Variants in PLCL2 observed in about 807,000 individuals in gnomAD.
The protein encoded by PLCL2 is inactive phospholipase C-like protein 2.
In PLCL2, 4 loss-of-function variants were observed where a neutral mutation model predicts 79.6. The ratio of observed to expected loss-of-function variants is 0.05; its 90% confidence interval spans 0.02 to 0.11. PLCL2 has a LOEUF of 0.11. Ranked by LOEUF, PLCL2 falls within the 10% of genes least tolerant of loss-of-function variation. The pLI is 1.00. For missense variants in PLCL2, 895 were observed against 1,291.0 expected (o/e 0.69, Z 4.70); for synonymous variants, 484 against 457.7 (o/e 1.06, Z -0.73).
rs150138452 is a variant in PLCL2, at chr3:16,903,664, G to A, written c.327+18298G>A. Among the ~76,000 whole-genome samples the A allele has an allele frequency of 2.0e-3, 311 of 152,330 alleles. 3 individuals carry two copies. Among genetic ancestry groups the A allele is most frequent in the Non-Finnish European group, 3.6e-3 (243 of 68,024 alleles). On this transcript the variant is annotated intron_variant, in intron 1 of 5. Transcript: ENST00000615277. Reference sequence around the variant, plus strand: ...GGGTGCTCAGATGTATGACAGGACAGAGCCCCAACGGTTCAGCAAAGTCAT... The same window carrying A: ...GGGTGCTCAGATGTATGACAGGACAAAGCCCCAACGGTTCAGCAAAGTCAT...
At chr3:16,892,384 G>T (rs919714146) in intron 1 of PLCL2, among the ~76,000 whole-genome samples, 1 of 152,224 alleles carries the variant, frequency 6.6e-6, no homozygotes, top group South Asian at 2.1e-4. Flanking sequence ...ATATTCTGCT[G>T]TCAAAGTTTA....
chr3:16,967,266 C>T (rs1304707846), intron 1 of PLCL2, among the ~76,000 whole-genome samples: 8 of 152,012 alleles, frequency 5.3e-5, no homozygotes, highest in Non-Finnish European at 1.5e-5. Context: ...AATTTGTATT[C>T]CTTTGGGTAT....
intron 4 of PLCL2, among the ~76,000 whole-genome samples, chr3:17,055,694 G>A (rs2064884984): frequency 6.6e-6 from 1 of 152,188 alleles, no homozygotes; most frequent in African/African-American, 2.4e-5. Flanking sequence ...CCATCTGGGA[G>A]TGAGACTCAG....
rs1380535837 is a variant in PLCL2 at position 17,011,430 on chromosome 3, G to A, written c.2084G>A (p.Cys695Tyr). Residue 695 changes from cysteine to tyrosine, a missense_variant, in exon 2 of 6, where the codon TGT becomes TAT. Coordinates refer to ENST00000615277, the MANE Select transcript of PLCL2 (RefSeq NM_001144382.2). The surrounding 1 kb of genome is among the most constrained non-coding windows in gnomAD (Gnocchi z 7.9). ...ATGAATCCTCAAGATTTTTGGAAAT[G>A]TGGTTGCCAAATTGTAGCCATGAAC... ...SNMNPQDFWK[C>Y]GCQIVAMNFQ... The A allele has an allele frequency of 1.9e-6, 3 of 1,614,074 alleles. No individual in the cohort carries two copies. The highest frequency in any genetic ancestry group is 2.2e-5 in the East Asian group (1 of 44,884).
Position 16,887,817 on chromosome 3 carries a change from A to G in PLCL2, c.327+2451A>G, listed in dbSNP as rs537548719. Among the ~76,000 whole-genome samples the G allele has an allele frequency of 1.3e-5, 2 of 152,168 alleles. No individual in the cohort carries two copies. The highest frequency in any genetic ancestry group is 2.9e-5 in the Non-Finnish European group (2 of 68,022). On this transcript the variant is annotated intron_variant, in intron 1 of 5. Transcript: ENST00000615277. The surrounding 1 kb of genome is among the most constrained non-coding windows in gnomAD (Gnocchi z 4.1). ...TTGTTTAAAAAAAAAAAGAATAAAA[A>G]GCTAAAGCAGAAGCCCATGTGAAAA...
At chr3:16,965,955 A>G (rs1054689581) in intron 1 of PLCL2, among the ~76,000 whole-genome samples, 13 of 152,246 alleles carry the variant, frequency 8.5e-5, no homozygotes, top group Non-Finnish European at 1.9e-4. Context: ...TACACATGTC[A>G]TCTGCAAACA....
chr3:17,088,245 C>A (rs1217563792), intron 5 of PLCL2, among the ~76,000 whole-genome samples: 3 of 152,124 alleles, frequency 2.0e-5, no homozygotes, highest in African/African-American at 7.2e-5. Flanking sequence ...AAGGTAAGTC[C>A]CTACCCATTG....
chr3:17,019,532 C>A (rs373650106), intron 3 of PLCL2, among the ~76,000 whole-genome samples: 49 of 151,938 alleles, frequency 3.2e-4, no homozygotes, highest in East Asian at 3.1e-3. Flanking sequence ...GATGAATGAT[C>A]AATGTAGCAA....
intron 1 of PLCL2, among the ~76,000 whole-genome samples, chr3:16,955,995 C>A (rs980825342): frequency 2.0e-4 from 30 of 152,278 alleles, no homozygotes; most frequent in Admixed American, 1.2e-3. Flanking sequence ...TTGACTTCCT[C>A]TTTTCCTAAT....
At chr3:16,954,589 G>T (rs1294386196) in intron 1 of PLCL2, among the ~76,000 whole-genome samples, 1 of 152,064 alleles carries the variant, frequency 6.6e-6, no homozygotes, top group Non-Finnish European at 1.5e-5. Flanking sequence ...CTAGATCCCT[G>T]AGGAATCCCC....
chr3:17,067,029 T>A (rs1211189775), intron 4 of PLCL2, among the ~76,000 whole-genome samples: 2 of 151,808 alleles, frequency 1.3e-5, no homozygotes, highest in Non-Finnish European at 2.9e-5. Context: ...ACAAATTACA[T>A]CCAAAAAAAG....
intron 1 of PLCL2, among the ~76,000 whole-genome samples, chr3:17,007,333 A>G (rs1218719393): frequency 1.3e-5 from 2 of 152,202 alleles, no homozygotes; most frequent in Non-Finnish European, 2.9e-5. Context: ...ATAGAAAATT[A>G]TACATTTGTT....
chr3:16,980,496 C>T (rs560150512), intron 1 of PLCL2, among the ~76,000 whole-genome samples: 8 of 146,464 alleles, frequency 5.5e-5, no homozygotes, highest in East Asian at 2.1e-4. Flanking sequence ...ACATCCCGGA[C>T]GGGGCGGCAG....
chr3:17,024,959 G>A (rs541314815), intron 3 of PLCL2, among the ~76,000 whole-genome samples: 250 of 152,234 alleles, frequency 1.6e-3, no homozygotes, highest in Admixed American at 3.7e-3. Flanking sequence ...AAACCTGGGC[G>A]CTTCATGAGT....
At chr3:16,893,475 T>C (rs992527607) in intron 1 of PLCL2, among the ~76,000 whole-genome samples, 1 of 152,194 alleles carries the variant, frequency 6.6e-6, no homozygotes, top group Non-Finnish European at 1.5e-5. Flanking sequence ...GATTTGGATA[T>C]TGCAGATATT....
chr3:16,986,743 C>A (rs1444986244), intron 1 of PLCL2, among the ~76,000 whole-genome samples: 1 of 151,998 alleles, frequency 6.6e-6, no homozygotes, highest in African/African-American at 2.4e-5. Flanking sequence ...GATGGTAGAA[C>A]TGCTTTTAAA....
At chr3:17,047,487 C>T (rs1045414692) in intron 4 of PLCL2, among the ~76,000 whole-genome samples, 11 of 152,170 alleles carry the variant, frequency 7.2e-5, no homozygotes, top group Non-Finnish European at 1.6e-4. Context: ...ATGGAAGGTT[C>T]TTTGCTAAAA....
chr3:16,941,100 G>T (rs545113060), intron 1 of PLCL2, among the ~76,000 whole-genome samples: 1 of 152,072 alleles, frequency 6.6e-6, no homozygotes, highest in African/African-American at 2.4e-5. Context: ...AGAGAAGGGG[G>T]CTCCCATGGA....
chr3:16,980,068 G>A, intron 1 of PLCL2, among the ~76,000 whole-genome samples: 1 of 135,340 alleles, frequency 7.4e-6, no homozygotes, highest in African/African-American at 2.8e-5. Flanking sequence ...CTCACCTCCG[G>A]GACGGGGCGG....
Sources: allele counts gnomAD v4.1 joint callset (sites outside exome capture counted in the v4.1 genomes callset), GRCh38; gene constraint gnomAD v4.1.1; non-coding constraint Gnocchi (gnomAD v3.1); transcripts MANE v1.5; gene names NCBI Gene and HGNC (gene_info 2026-07-23, HGNC 2026-07-21).